CNOT3: variants seen among roughly 807,000 people sequenced by gnomAD.
CNOT3 encodes CCR4-associated factor 3.
In CNOT3, 2 loss-of-function variants were observed where a neutral mutation model predicts 89.4. That is an observed-to-expected ratio of 0.02 (90% confidence interval 0.01 to 0.07). CNOT3 has a LOEUF of 0.07. CNOT3 is among the 10% of genes least tolerant of loss of function. The pLI is 1.00. For missense variants in CNOT3, 664 were observed against 1,010.2 expected, an observed-to-expected ratio of 0.66 and a Z score of 4.65; for synonymous variants, 486 against 402.0, an observed-to-expected ratio of 1.21 and a Z score of -2.50.
intron 12 of CNOT3, among the ~76,000 whole-genome samples, chr19:54,149,092 G>C (rs763543315): frequency 6.6e-6 from 1 of 152,120 alleles, no homozygotes; most frequent in Non-Finnish European, 1.5e-5. Context: ...GAATTGTCCC[G>C]AAGTCCTTAT....
chr19:54,139,538 C>G (rs587659315), intron 1 of CNOT3, among the ~76,000 whole-genome samples: 4 of 152,212 alleles, frequency 2.6e-5, no homozygotes, highest in African/African-American at 9.6e-5. Context: ...TTGGTGTCAC[C>G]TCCCCCAGGG....
intron 16 of CNOT3, 73 bp from the exon 17 acceptor site, chr19:54,153,642 C>G (rs1471886069): frequency 8.7e-7 from 1 of 1,151,982 alleles, no homozygotes; most frequent in Non-Finnish European, 1.3e-6. Flanking sequence ...GCCCTGATGT[C>G]CTGCCCCATT....
rs770110713 is a variant in CNOT3, at chr19:54,152,674, G to A, written c.1904+48G>A. 5 of 1,492,160 alleles carry A rather than the reference G, an allele frequency of 3.4e-6. No homozygotes were observed. In the African/African-American group the frequency reaches 5.5e-5, roughly 16 times the overall value. The allele number at this position is 1,492,160 out of a possible 1,614,324, so 92.4% of individuals were successfully genotyped here. A position where few individuals can be genotyped will look rare whatever the true frequency, so the allele number is the denominator to read the frequency against. Reference sequence around the variant, plus strand: ...GATGGTCTGGGACTTGAGTCTTACGGAGGAGGCAGTGGCTGAACCTGTGAG... The same window carrying A: ...GATGGTCTGGGACTTGAGTCTTACGAAGGAGGCAGTGGCTGAACCTGTGAG... On this transcript the variant is annotated intron_variant, in intron 15 of 17. Coordinates refer to ENST00000221232, the MANE Select transcript of CNOT3 (RefSeq NM_014516.4).
Position 54,145,817 on chromosome 19 carries a change from C to G in CNOT3, c.703C>G (p.Pro235Ala). Reference protein sequence around the residue: ...LYDDLDLEDIPQALVATSPPS... With the variant: ...LYDDLDLEDIAQALVATSPPS... ...CGATGACCTGGACCTCGAGGACATT[C>G]GTGAGGCCCTGGGGCTGATCGTGGC... Residue 235 changes from proline (P) to alanine (A), a missense_variant and splice_region_variant, in exon 8 of 18, where the codon CCA becomes GCA. By Grantham distance (27) the Pro-to-Ala change is conservative. Around this residue, in one of 8 missense-constraint regions of CNOT3, gnomAD observed 25 missense variants for 69.0 expected, o/e 0.36. Transcript: ENST00000221232. The surrounding 1 kb of genome is among the most constrained non-coding windows in gnomAD (Gnocchi z 5.9). 6.2e-7 allele frequency: 1 copy of G among 1,610,862 alleles called. No individual in the cohort carries two copies. The highest frequency in any genetic ancestry group is 8.5e-7 in the Non-Finnish European group (1 of 1,177,360).
At chr19:54,141,012 A>G (rs1411785192) in intron 1 of CNOT3, among the ~76,000 whole-genome samples, 1 of 152,176 alleles carries the variant, frequency 6.6e-6, no homozygotes, top group Admixed American at 6.5e-5. Context: ...TGGGATGGAA[A>G]GAGGGAGTGT....
intron 17 of CNOT3, chr19:54,154,092 G>C: frequency 1.5e-6 from 1 of 687,702 alleles, no homozygotes; most frequent in Non-Finnish European, 2.7e-6. Flanking sequence ...AACCTTCCTG[G>C]AGCCACCCAG....
chr19:54,149,623 C>T lies in CNOT3; in HGVS notation c.1470C>T (p.Asn490=), dbSNP rs1409083097. ...GCGTGGCCCCAGGCTCAGGGAACAA[C>T]TCAGGGGGACCCAGCCTCCTGGTGC... is the stretch of plus-strand genomic sequence containing the variant. The part of the protein sequence containing the change: ...AGGVAPGSGN[N]SGGPSLLVPL... The change falls in exon 13 of 18, where the codon AAC becomes AAT. Residue 490 remains asparagine, a synonymous_variant. Coordinates refer to ENST00000221232, the MANE Select transcript of CNOT3 (RefSeq NM_014516.4). 2 of 1,613,616 alleles carry T rather than the reference C, an allele frequency of 1.2e-6. No individual in the cohort carries two copies. Among genetic ancestry groups the T allele is most frequent in the Non-Finnish European group, 1.7e-6 (2 of 1,179,794 alleles).
chr19:54,141,542 C>T (rs1435742982), intron 1 of CNOT3: 2 of 152,222 alleles, frequency 1.3e-5, no homozygotes, highest in African/African-American at 4.8e-5. Context: ...ATTACACTTG[C>T]CACATTTCAG....
intron 10 of CNOT3, among the ~76,000 whole-genome samples, chr19:54,147,920 C>A (rs145144753): frequency 6.6e-6 from 1 of 152,126 alleles, no homozygotes; most frequent in South Asian, 2.1e-4. Context: ...CCAGGCAGGA[C>A]TTGGGAAGCT....
rs1308231863 is a variant in CNOT3 at position 54,152,301 on chromosome 19, C to T, written c.1681C>T (p.Pro561Ser). 1 of 1,614,186 alleles carries T rather than the reference C, an allele frequency of 6.2e-7. No individual in the cohort carries two copies. The highest frequency in any genetic ancestry group is 2.2e-5 in the East Asian group (1 of 44,880). The change falls in exon 14 of 18, where the codon CCA (proline) becomes TCA (serine). Residue 561 changes from proline (P) to serine (S), a missense_variant. Physicochemically the swap from Pro to Ser is moderately conservative, Grantham distance 74. Around this residue, in one of 8 missense-constraint regions of CNOT3, gnomAD observed 545 missense variants for 566.2 expected, o/e 0.96. Coordinates refer to ENST00000221232, the MANE Select transcript of CNOT3 (RefSeq NM_014516.4). ...CAGCTCTGGCATTGAGGACCCTGTG[C>T]CAACGCTGCACCTGACCGAGCGAGG... is the stretch of plus-strand genomic sequence containing the variant. ...AISSGIEDPV[P>S]TLHLTERDII...
At chr19:54,146,183 A>G (rs1223430138) in intron 9 of CNOT3, 140 bp downstream of exon 9, 1 of 896,416 alleles carries the variant, frequency 1.1e-6, no homozygotes, top group African/African-American at 1.7e-5. Context: ...AGGCTCTTGG[A>G]GCACACGCTA....
rs373852003 is a variant in CNOT3, at chr19:54,145,841, G to A, written c.703+24G>A. Reference sequence around the variant, plus strand: ...TCGTGAGGCCCTGGGGCTGATCGTGGCACAGGAAGTGAGGGCCCAGAATGG... The same window carrying A: ...TCGTGAGGCCCTGGGGCTGATCGTGACACAGGAAGTGAGGGCCCAGAATGG... On this transcript the variant is annotated intron_variant, in intron 8 of 17. Transcript: ENST00000221232. This position sits in a 1 kb window ranked among gnomAD's most constrained non-coding sequence, Gnocchi z 5.9. The A allele has an allele frequency of 1.9e-6, 3 of 1,608,326 alleles. No individual in the cohort carries two copies. Among genetic ancestry groups the A allele is most frequent in the Non-Finnish European group, 2.6e-6 (3 of 1,175,420 alleles).
rs755837806 is a variant in CNOT3 at position 54,152,419 on chromosome 19, T to G, written c.1706-9T>G. The G allele has an allele frequency of 2.5e-6, 4 of 1,613,644 alleles. No homozygotes were observed. The African/African-American group carries it at 5.3e-5, about 22-fold the overall frequency. On this transcript the variant is annotated splice_polypyrimidine_tract_variant and intron_variant, in intron 14 of 17. Coordinates refer to ENST00000221232, the MANE Select transcript of CNOT3 (RefSeq NM_014516.4). ...CACTGAGGGGGCCGGACCCCCACCC[T>G]CCCCACAGACATCATCCTGAGCAGT...
rs777304192 is a variant in CNOT3 at position 54,146,603 on chromosome 19, A to G, written c.840A>G (p.Glu280=). The stretch of plus-strand genomic sequence containing the variant: ...CTATTCTGCCTCCCCTACCTCAGGA[A>G]AACTCTGAAGATGATAAGAAGAGGG... ...IPPSPANCTT[E]NSEDDKKRGR... The change falls in exon 10 of 18, where the codon GAA becomes GAG. Residue 280 remains glutamate, a splice_region_variant and synonymous_variant. Coordinates refer to ENST00000221232, the MANE Select transcript of CNOT3 (RefSeq NM_014516.4). 1 of 1,505,516 alleles carries G rather than the reference A, an allele frequency of 6.6e-7. No individual in the cohort carries two copies. Among genetic ancestry groups the G allele is most frequent in the East Asian group, 2.3e-5 (1 of 44,350 alleles). The allele number at this position is 1,505,516 out of a possible 1,614,324, so 93.3% of individuals were successfully genotyped here.
rs776291421 is a variant in CNOT3, at chr19:54,155,439, C to G, written c.*32C>G. On this transcript the variant is annotated 3_prime_UTR_variant, in exon 18 of 18. Coordinates refer to ENST00000221232, the MANE Select transcript of CNOT3 (RefSeq NM_014516.4). ...CCCCTCCCTCTACCCACCCCCTTCC[C>G]CCGCATGCTGATCCCCCTGCCCAGG... 8.4e-6 allele frequency: 12 copies of G among 1,435,754 alleles called. No individual in the cohort carries two copies. The highest frequency in any genetic ancestry group is 1.1e-5 in the Non-Finnish European group (11 of 1,043,166). 88.9% of individuals were successfully genotyped at this position (1,435,754 alleles called of 1,614,324 possible). A position where few individuals can be genotyped will look rare whatever the true frequency, so the allele number is the denominator to read the frequency against.
At position 54,152,238 on chromosome 19, in the gene CNOT3, C is replaced by T; in HGVS notation, c.1618C>T (p.Leu540=). ...GTTTCCTCCCCAGGCCCCTGAGCCT[C>T]TGAGCTCCTTGAAGTCCATGGCGGA... ...TAPEIKAPEP[L]SSLKSMAERA... Residue 540 remains leucine (L), a synonymous_variant, in exon 14 of 18, where the codon CTG becomes TTG. Coordinates refer to ENST00000221232, the MANE Select transcript of CNOT3 (RefSeq NM_014516.4). 1 of 1,614,068 alleles carries T rather than the reference C, an allele frequency of 6.2e-7. No homozygotes were observed. The highest frequency in any genetic ancestry group is 8.5e-7 in the Non-Finnish European group (1 of 1,180,016).
In CNOT3 at chr19:54,149,731, A is replaced by C; in HGVS notation, c.1578A>C (p.Pro526=). Residue 526 remains proline, a synonymous_variant, in exon 13 of 18, where the codon CCA becomes CCC. Transcript: ENST00000221232. The part of the protein sequence containing the change: ...KAAGALLNGP[P]QFSTAPEIKA... ...CCGGTGCCCTGCTCAATGGGCCTCC[A>C]CAGTTCAGCACCGCCCCAGAAATCA... 6.2e-7 allele frequency: 1 copy of C among 1,612,076 alleles called. No homozygotes were observed. Among genetic ancestry groups the C allele is most frequent in the Non-Finnish European group, 8.5e-7 (1 of 1,178,814 alleles).
chr19:54,149,619 A>C lies in CNOT3; in HGVS notation c.1466A>C (p.Asn489Thr). The C allele has an allele frequency of 6.2e-7, 1 of 1,613,298 alleles. No homozygotes were observed. The highest frequency in any genetic ancestry group is 8.5e-7 in the Non-Finnish European group (1 of 1,179,548). The change falls in exon 13 of 18, where the codon AAC becomes ACC. Residue 489 changes from asparagine (N) to threonine (T), a missense_variant. Physicochemically the swap from Asn to Thr is moderately conservative, Grantham distance 65. Around this residue, in one of 8 missense-constraint regions of CNOT3, gnomAD observed 545 missense variants for 566.2 expected, o/e 0.96. Coordinates refer to ENST00000221232, the MANE Select transcript of CNOT3 (RefSeq NM_014516.4). ...GAGGVAPGSG[N>T]NSGGPSLLVP... ...GGGGGCGTGGCCCCAGGCTCAGGGAACAACTCAGGGGGACCCAGCCTCCTG... is the reference window on the plus strand; with the variant it reads ...GGGGGCGTGGCCCCAGGCTCAGGGACCAACTCAGGGGGACCCAGCCTCCTG...
chr19:54,142,629 G>A (rs963007992), intron 1 of CNOT3: 2 of 476,038 alleles, frequency 4.2e-6, no homozygotes, highest in Non-Finnish European at 7.7e-6. Flanking sequence ...ACCTTTTTGA[G>A]TGTATTCTGG....
Sources: gnomAD v4.1 joint callset for allele counts (sites outside exome capture counted in the v4.1 genomes callset) on GRCh38, gnomAD v4.1.1 for gene constraint, gnomAD v4.1.1 regional missense constraint, Gnocchi (gnomAD v3.1) non-coding constraint, MANE v1.5 for transcripts, NCBI Gene and HGNC (gene_info 2026-07-23, HGNC 2026-07-21) for gene names.